Variants in TAB3 observed in about 807,000 individuals in gnomAD.
TAB3 encodes the protein TGF-beta-activated kinase 1 and MAP3K7-binding protein 3.
A neutral mutation model predicts 48.1 loss-of-function variants in TAB3; 18 were observed. That is an observed-to-expected ratio of 0.37 (90% CI 0.26 to 0.55). The LOEUF (loss-of-function observed/expected upper bound fraction) is 0.55. Ranked by LOEUF, TAB3 falls within the 20% of genes least tolerant of loss-of-function variation. The pLI is 0.78. For missense variants in TAB3, 414 were observed against 549.8 expected, an observed-to-expected ratio of 0.75 and a Z score of 2.47; for synonymous variants, 185 against 190.2, an observed-to-expected ratio of 0.97 and a Z score of 0.22.
rs1047118455 is a variant in TAB3, at chrX:30,834,472, T to C, written c.1889-320A>G. ...CTCAGTGATAGCAAATAAATGTCGA[T>C]GTGAAAGCAAAATTTGGGAAATTTT... On this transcript the variant is annotated intron_variant, in intron 9 of 10. Transcript: ENST00000288422. 3.2e-5 allele frequency: 5 copies of C among 154,377 alleles called. No individual in the cohort carries two copies. In the Middle Eastern group the frequency reaches 7.4e-3, roughly 229 times the overall value. 12.7% of individuals were successfully genotyped at this position (154,377 alleles called of 1,213,427 possible).
chrX:30,843,124 A>G, intron 8 of TAB3, 75 bp from the exon 9 acceptor site: 1 of 585,289 alleles, frequency 1.7e-6, no homozygotes, highest in Non-Finnish European at 2.7e-6. Context: ...TAAAGAAAAT[A>G]TGTAAATAAA....
At chrX:30,838,310 C>T (rs181655574) in intron 9 of TAB3, among the ~76,000 whole-genome samples, 110 of 111,635 alleles carry the variant, frequency 9.9e-4, no homozygotes, top group Admixed American at 1.6e-3. Flanking sequence ...TTTAATTACA[C>T]CATGTCTGGC....
At chrX:30,846,145 CAT>C in intron 8 of TAB3, 1 of 773,537 alleles carries the variant, frequency 1.3e-6, no homozygotes, top group Non-Finnish European at 1.6e-6. Context: ...TGAAAAATAA[CAT>C]ATATAGAGTT....
chrX:30,882,835 G>A (rs757568881), intron 1 of TAB3, among the ~76,000 whole-genome samples: 3 of 112,083 alleles, frequency 2.7e-5, no homozygotes, highest in East Asian at 5.6e-4. Context: ...TAATGTCTTC[G>A]TTTAGACAAA....
chrX:30,842,546 A>G (rs933719731), intron 9 of TAB3, among the ~76,000 whole-genome samples: 2 of 112,166 alleles, frequency 1.8e-5, no homozygotes, highest in African/African-American at 6.5e-5. Context: ...TAATTTCAGT[A>G]CTTTTTAAAA....
intron 3 of TAB3, 42 bp from the exon 4 acceptor site, chrX:30,867,260 A>C (rs1020677221): frequency 2.7e-5 from 3 of 111,926 alleles, no homozygotes; most frequent in Non-Finnish European, 5.6e-5. Flanking sequence ...AGTTAAGGAA[A>C]TCTGAATATA....
chrX:30,831,286 C>G lies in TAB3; in HGVS notation c.*141G>C. The G allele has an allele frequency of 2.8e-6, 2 of 719,124 alleles. No individual in the cohort carries two copies. Among genetic ancestry groups the G allele is most frequent in the Non-Finnish European group, 3.9e-6 (2 of 516,815 alleles). 59.3% of individuals were successfully genotyped at this position (719,124 alleles called of 1,213,427 possible). A position where few individuals can be genotyped will look rare whatever the true frequency, so the allele number is the denominator to read the frequency against. ...CCCATTTTTCCTTTCGTGAGCACAACGACGACCACAAAGCCATTCCTCCTC... is the reference window on the plus strand; with the variant it reads ...CCCATTTTTCCTTTCGTGAGCACAAGGACGACCACAAAGCCATTCCTCCTC... On this transcript the variant is annotated 3_prime_UTR_variant, in exon 11 of 11. Transcript: ENST00000288422.
At chrX:30,862,512 A>G (rs1939278728) in intron 4 of TAB3, among the ~76,000 whole-genome samples, 1 of 111,874 alleles carries the variant, frequency 8.9e-6, no homozygotes, top group Non-Finnish European at 1.9e-5. Context: ...AGGTGTCAAA[A>G]GCATAGGCTC....
At chrX:30,878,239 C>T (rs996625223) in intron 1 of TAB3, among the ~76,000 whole-genome samples, 3 of 111,419 alleles carry the variant, frequency 2.7e-5, no homozygotes, top group Non-Finnish European at 5.7e-5. Context: ...GCCTGTAATC[C>T]CAGCACTTTG....
chrX:30,871,314 T>C lies in TAB3; in HGVS notation c.-280+385A>G, dbSNP rs758906724. Reference sequence around the variant, plus strand: ...GGAAGATTCGTATATCCCACACACATCTAGTTATTTCTTGGGGGCAGATCT... The same window carrying C: ...GGAAGATTCGTATATCCCACACACACCTAGTTATTTCTTGGGGGCAGATCT... On this transcript the variant is annotated intron_variant, in intron 2 of 10. Coordinates refer to ENST00000288422, the MANE Select transcript of TAB3 (RefSeq NM_152787.5). 2.7e-5 allele frequency among the ~76,000 whole-genome samples: 3 copies of C among 112,417 alleles called. No individual in the cohort carries two copies. The South Asian group carries it at 1.1e-3, about 42-fold the overall frequency.
At chrX:30,839,704 C>T (rs1011259666) in intron 9 of TAB3, among the ~76,000 whole-genome samples, 1 of 109,516 alleles carries the variant, frequency 9.1e-6, no homozygotes, top group Admixed American at 9.9e-5. Context: ...AACTTCCTCT[C>T]AGTAACATGA....
intron 7 of TAB3, among the ~76,000 whole-genome samples, chrX:30,847,224 A>G (rs1271631197): frequency 9.0e-6 from 1 of 111,036 alleles, no homozygotes; most frequent in Non-Finnish European, 1.9e-5. Context: ...AGACTCCTAT[A>G]TAAATTCATA....
chrX:30,859,360 C>CACACACACACACACACACACA (rs1555941683), intron 5 of TAB3, 127 bp downstream of exon 5: 1 of 292,175 alleles, frequency 3.4e-6, no homozygotes, highest in African/African-American at 3.2e-5. Flanking sequence ...AAATCCTGCT[C>CACACACACACACACACACACA]CACACACACA....
At chrX:30,874,668 G>A (rs1939771142) in intron 1 of TAB3, among the ~76,000 whole-genome samples, 2 of 107,555 alleles carry the variant, frequency 1.9e-5, no homozygotes, top group African/African-American at 3.4e-5. Context: ...GAGATATGAG[G>A]GCGGTTCAGA....
chrX:30,841,231 G>A (rs756018623), intron 9 of TAB3, among the ~76,000 whole-genome samples: 4 of 111,464 alleles, frequency 3.6e-5, no homozygotes, highest in Admixed American at 9.5e-5. Flanking sequence ...GACCAGCCTC[G>A]CCACCATGGT....
At chrX:30,848,376 G>C (rs756428491) in intron 7 of TAB3, among the ~76,000 whole-genome samples, 2 of 111,648 alleles carry the variant, frequency 1.8e-5, no homozygotes, top group Admixed American at 1.9e-4. Flanking sequence ...ACAAAAATTA[G>C]CTGGGCGTGG....
chrX:30,845,230 T>G (rs749055292), intron 8 of TAB3: 1 of 112,427 alleles, frequency 8.9e-6, no homozygotes, highest in African/African-American at 3.2e-5. Flanking sequence ...AAGTTAAGTG[T>G]GGGGGATGGG....
In TAB3 at chrX:30,842,948, G is replaced by C. The variant is rs202218229; in HGVS notation, c.1888+18C>G. 9.6e-7 allele frequency: 1 copy of C among 1,042,549 alleles called. No individual in the cohort carries two copies. The highest frequency in any genetic ancestry group is 3.2e-5 in the East Asian group (1 of 31,338). The allele number at this position is 1,042,549 out of a possible 1,213,427, so 85.9% of individuals were successfully genotyped here. A position where few individuals can be genotyped will look rare whatever the true frequency, so the allele number is the denominator to read the frequency against. On this transcript the variant is annotated intron_variant, in intron 9 of 10. Coordinates refer to ENST00000288422, the MANE Select transcript of TAB3 (RefSeq NM_152787.5). The stretch of plus-strand genomic sequence containing the variant: ...TGACATTTATTTCTATCGTATTTGT[G>C]ACATTTTTCATACTCACCTTTTTTA...
rs780912897 is a variant in TAB3 at position 30,854,172 on chromosome X, C to G, written c.1493G>C (p.Ser498Thr). 1 of 1,207,931 alleles carries G rather than the reference C, an allele frequency of 8.3e-7. No homozygotes were observed. Among genetic ancestry groups the G allele is most frequent in the Non-Finnish European group, 1.1e-6 (1 of 894,421 alleles). Reference protein sequence around the residue: ...VIPGSGGEKGSHKYQRSSSSG... With the variant: ...VIPGSGGEKGTHKYQRSSSSG... ...ACTAGAACTTCTCTGATATTTATGG[C>G]TTCCCTTTTCTCCCCCAGAGCCTGG... The change falls in exon 6 of 11, where the codon AGC becomes ACC. Residue 498 changes from serine to threonine, a missense_variant. Physicochemically the swap from Ser to Thr is moderately conservative, Grantham distance 58 (BLOSUM62 1). Coordinates refer to ENST00000288422, the MANE Select transcript of TAB3 (RefSeq NM_152787.5).
Sources: gnomAD v4.1 joint callset for allele counts (sites outside exome capture counted in the v4.1 genomes callset) on GRCh38, gnomAD v4.1.1 for gene constraint, MANE v1.5 for transcripts, NCBI Gene and HGNC (gene_info 2026-07-23, HGNC 2026-07-21) for gene names.